Variants in HERC2 observed in about 807,000 individuals in gnomAD.
HERC2 encodes the protein E3 ubiquitin-protein ligase HERC2.
HERC2 carries 102 observed loss-of-function variants against 537.7 expected under a neutral mutation model. The ratio of observed to expected loss-of-function variants is 0.19; its 90% confidence interval spans 0.16 to 0.22. The LOEUF is 0.22. HERC2 is among the 10% of genes least tolerant of loss of function. The pLI, the probability that HERC2 is intolerant of heterozygous loss-of-function variation, is 1.00. For missense variants in HERC2, 4,236 were observed against 6,198.2 expected (o/e 0.68, Z 10.63); for synonymous variants, 2,224 against 2,466.2 (o/e 0.90, Z 2.91).
chr15:28,161,782 G>A (rs1893625555), intron 69 of HERC2, among the ~76,000 whole-genome samples: 2 of 152,276 alleles, frequency 1.3e-5, no homozygotes, highest in South Asian at 4.1e-4. Context: ...ACATTTTAAA[G>A]CTGTAATAGT....
At chr15:28,249,982 GA>G (rs780214822) in intron 20 of HERC2, among the ~76,000 whole-genome samples, 3 of 152,080 alleles carry the variant, frequency 2.0e-5, no homozygotes, top group Non-Finnish European at 4.4e-5. Context: ...ATGTCAATGT[GA>G]AAGCAAATCA....
chr15:28,289,578 T>C (rs2076255499), intron 4 of HERC2, among the ~76,000 whole-genome samples: 1 of 152,126 alleles, frequency 6.6e-6, no homozygotes, highest in Non-Finnish European at 1.5e-5. Flanking sequence ...TCGCTGGAGC[T>C]GATCTCCCCA....
intron 20 of HERC2, among the ~76,000 whole-genome samples, chr15:28,251,487 AC>A (rs1388375344): frequency 3.4e-5 from 5 of 147,178 alleles, no homozygotes; most frequent in African/African-American, 5.2e-5. Flanking sequence ...AAAAAAAAAA[AC>A]AAAAAAACAC....
At chr15:28,155,166 T>G (rs2142367301) in intron 69 of HERC2, among the ~76,000 whole-genome samples, 1 of 152,230 alleles carries the variant, frequency 6.6e-6, no homozygotes, top group Admixed American at 6.5e-5. Flanking sequence ...AGTCTATCAT[T>G]GTTGGACATT....
At chr15:28,309,842 C>G (rs1361618229) in intron 2 of HERC2, among the ~76,000 whole-genome samples, 1 of 152,310 alleles carries the variant, frequency 6.6e-6, no homozygotes, top group Non-Finnish European at 1.5e-5. Flanking sequence ...GCGACAGAAA[C>G]CAAGCCAGCA....
chr15:28,254,947 C>T (rs1170377021), intron 19 of HERC2, among the ~76,000 whole-genome samples: 1 of 152,202 alleles, frequency 6.6e-6, no homozygotes, highest in Non-Finnish European at 1.5e-5. Flanking sequence ...TGCCCCAGGA[C>T]CTAACAAATT....
At chr15:28,216,646 C>A (rs887725110) in intron 38 of HERC2, among the ~76,000 whole-genome samples, 1 of 150,902 alleles carries the variant, frequency 6.6e-6, no homozygotes, top group Non-Finnish European at 1.5e-5. Context: ...ACTCTCACAC[C>A]CTCATATGCA....
At chr15:28,132,612 G>A (rs745779333) in intron 80 of HERC2, 41 bp downstream of exon 80, 15 of 1,370,520 alleles carry the variant, frequency 1.1e-5, no homozygotes, top group Admixed American at 2.9e-5. Flanking sequence ...CAGCAGTGAG[G>A]AGCATGCAGC....
intron 5 of HERC2, among the ~76,000 whole-genome samples, chr15:28,279,651 A>AC (rs2075971136): frequency 3.3e-5 from 5 of 150,948 alleles, no homozygotes; most frequent in African/African-American, 9.8e-5. Flanking sequence ...ACACACACAC[A>AC]AATTGTTTTT....
chr15:28,237,987 T>C, intron 25 of HERC2, 127 bp downstream of exon 25: 2 of 784,756 alleles, frequency 2.5e-6, no homozygotes, highest in East Asian at 4.8e-5. Context: ...AAAGGATCTT[T>C]ATATTTATCC....
At chr15:28,271,468 A>G (rs943888450) in intron 9 of HERC2, among the ~76,000 whole-genome samples, 12 of 152,144 alleles carry the variant, frequency 7.9e-5, no homozygotes, top group African/African-American at 2.9e-4. Flanking sequence ...AGAGATCGAG[A>G]CCATCCTGGG....
chr15:28,299,958 CAGG>C (rs1312447017), intron 2 of HERC2, among the ~76,000 whole-genome samples: 1 of 150,304 alleles, frequency 6.7e-6, no homozygotes, highest in Non-Finnish European at 1.5e-5. Flanking sequence ...GAAGCTGAGG[CAGG>C]AGAATTGCTT....
chr15:28,215,421 A>C (rs1366533018), intron 39 of HERC2, among the ~76,000 whole-genome samples, 200 bp downstream of exon 39: 1 of 152,194 alleles, frequency 6.6e-6, no homozygotes, highest in Non-Finnish European at 1.5e-5. Flanking sequence ...TTACCACTTA[A>C]GAGAAAAGCA....
At chr15:28,188,716 C>T (rs924088252) in intron 55 of HERC2, among the ~76,000 whole-genome samples, 1 of 152,006 alleles carries the variant, frequency 6.6e-6, no homozygotes, top group Non-Finnish European at 1.5e-5. Context: ...ACATGACTGG[C>T]AAAATGTTGA....
chr15:28,255,210 C>A (rs989149730), intron 19 of HERC2, among the ~76,000 whole-genome samples: 4 of 152,116 alleles, frequency 2.6e-5, no homozygotes, highest in Non-Finnish European at 4.4e-5. Context: ...GGTGACATGT[C>A]TGTGGTCCCT....
At chr15:28,168,162 T>C (rs1174568918) in intron 67 of HERC2, among the ~76,000 whole-genome samples, 1 of 152,232 alleles carries the variant, frequency 6.6e-6, no homozygotes, top group East Asian at 1.9e-4. Flanking sequence ...GTCAGAACTT[T>C]AAGGTTTCAG....
At chr15:28,267,421 A>T (rs1375879652) in intron 12 of HERC2, among the ~76,000 whole-genome samples, 4 of 152,242 alleles carry the variant, frequency 2.6e-5, no homozygotes, top group Admixed American at 2.0e-4. Context: ...AAAGTCAGTT[A>T]TAAATACCAT....
At chr15:28,225,245 C>T (rs917904426) in intron 35 of HERC2, among the ~76,000 whole-genome samples, 23 of 150,454 alleles carry the variant, frequency 1.5e-4, no homozygotes, top group African/African-American at 5.5e-4. Context: ...AAGTAAGACC[C>T]TGTCTCAAAA....
intron 4 of HERC2, among the ~76,000 whole-genome samples, chr15:28,287,881 G>A (rs1192712478): frequency 2.6e-5 from 4 of 151,690 alleles, no homozygotes; most frequent in South Asian, 2.1e-4. Flanking sequence ...CCACCACCAC[G>A]CCCAGCTAAT....
Sources: allele counts gnomAD v4.1 joint callset (sites outside exome capture counted in the v4.1 genomes callset), GRCh38; gene constraint gnomAD v4.1.1; transcripts MANE v1.5; gene names NCBI Gene and HGNC (gene_info 2026-07-23, HGNC 2026-07-21).